The following ARL15 variants were observed in gnomAD, a reference collection of about 807,000 sequenced individuals.
The protein encoded by ARL15 is ARF like GTPase 15, also known as ADP-ribosylation factor-like protein 15.
ARL15 carries 19 observed loss-of-function variants against 25.2 expected under a neutral mutation model. The ratio of observed to expected loss-of-function variants is 0.75; its 90% CI spans 0.53 to 1.10. The LOEUF is 1.10. ARL15 is among the 50% of genes least tolerant of loss of function. The probability of loss-of-function intolerance (pLI) is 0.00; values close to 1 mark genes in which losing one functional copy is unlikely to be tolerated. For synonymous variants in ARL15, 94 were observed against 86.8 expected, an observed-to-expected ratio of 1.08 and a Z score of -0.46; for missense variants, 220 against 246.0, an observed-to-expected ratio of 0.89 and a Z score of 0.71.
chr5:54,192,362 C>T (rs370802674), intron 1 of ARL15, among the ~76,000 whole-genome samples: 1 of 151,868 alleles, frequency 6.6e-6, no homozygotes, highest in African/African-American at 2.4e-5. Flanking sequence ...TTCTTACTTA[C>T]TCAGTAATTT....
In ARL15 at chr5:54,266,771, G is replaced by T. The variant is rs189628386; in HGVS notation, c.48+43661C>A. 1.8e-3 allele frequency among the ~76,000 whole-genome samples: 272 copies of T among 152,286 alleles called. 1 individual carries two copies. Among genetic ancestry groups the T allele is most frequent in the African/African-American group, 6.3e-3 (260 of 41,552 alleles). On this transcript the variant is annotated intron_variant, in intron 1 of 4. Coordinates refer to ENST00000504924, the MANE Select transcript of ARL15 (RefSeq NM_019087.3). ...ATCAGGAAAATGGTTTTATCTTGGA[G>T]AGTTAGAAGATGAAATGAACTTACA...
chr5:54,251,214 T>C (rs1053909517), intron 1 of ARL15, among the ~76,000 whole-genome samples: 1 of 152,234 alleles, frequency 6.6e-6, no homozygotes, highest in African/African-American at 2.4e-5. Flanking sequence ...ACACTTTTTA[T>C]GATAAAACAC....
At chr5:54,197,491 T>C (rs1579900324) in intron 1 of ARL15, among the ~76,000 whole-genome samples, 4 of 152,218 alleles carry the variant, frequency 2.6e-5, no homozygotes, top group South Asian at 2.1e-4. Context: ...GCACAGTACA[T>C]AAAAAAGATC....
intron 1 of ARL15, among the ~76,000 whole-genome samples, chr5:54,302,139 G>A (rs113239694): frequency 6.6e-6 from 1 of 152,010 alleles, no homozygotes; most frequent in South Asian, 2.1e-4. Context: ...GTTCCCAGAG[G>A]GCCTCTCACA....
At chr5:53,926,005 T>C (rs919481558) in intron 4 of ARL15, among the ~76,000 whole-genome samples, 27 of 147,728 alleles carry the variant, frequency 1.8e-4, no homozygotes, top group African/African-American at 4.8e-4. Flanking sequence ...TTCTTTTTTT[T>C]TTTTTTTTTT....
intron 1 of ARL15, among the ~76,000 whole-genome samples, chr5:54,300,296 G>A (rs185144): frequency 0.67 from 101,706 of 152,176 alleles, 34,716 homozygotes; most frequent in Non-Finnish European, 0.73. Flanking sequence ...GTAAGCCTTC[G>A]GCCTCAATAT....
intron 4 of ARL15, among the ~76,000 whole-genome samples, chr5:54,070,366 T>G (rs10069635): frequency 6.6e-6 from 1 of 150,994 alleles, no homozygotes; most frequent in Non-Finnish European, 1.5e-5. Flanking sequence ...CACCCCAGCC[T>G]GGGCGACAGA....
At chr5:54,030,369 G>T (rs926790731) in intron 4 of ARL15, among the ~76,000 whole-genome samples, 5 of 152,172 alleles carry the variant, frequency 3.3e-5, no homozygotes, top group African/African-American at 1.2e-4. Context: ...ACTACATATT[G>T]TAACTATCAT....
chr5:53,967,437 T>C (rs915532094), intron 4 of ARL15, among the ~76,000 whole-genome samples: 11 of 152,200 alleles, frequency 7.2e-5, no homozygotes, highest in Non-Finnish European at 1.3e-4. Context: ...GAAAAGTGGT[T>C]AGTTTGAGGA....
intron 4 of ARL15, among the ~76,000 whole-genome samples, chr5:54,046,921 C>T (rs1750538163): frequency 6.6e-6 from 1 of 152,222 alleles, no homozygotes; most frequent in South Asian, 2.1e-4. Flanking sequence ...GACAGCTGTG[C>T]TCAGGAGTCT....
intron 1 of ARL15, among the ~76,000 whole-genome samples, chr5:54,271,520 A>G (rs1414839170): frequency 2.0e-5 from 3 of 152,206 alleles, no homozygotes; most frequent in Non-Finnish European, 4.4e-5. Flanking sequence ...AAAAATATCT[A>G]TACATGTTGG....
At chr5:54,022,237 T>C (rs1749627668) in intron 4 of ARL15, among the ~76,000 whole-genome samples, 1 of 152,038 alleles carries the variant, frequency 6.6e-6, no homozygotes, top group African/African-American at 2.4e-5. Context: ...CGCGTAAGTA[T>C]TATTGGGGCT....
intron 1 of ARL15, among the ~76,000 whole-genome samples, chr5:54,280,783 G>A (rs1454713394): frequency 6.6e-6 from 1 of 152,110 alleles, no homozygotes; most frequent in Non-Finnish European, 1.5e-5. Context: ...GTCTTTAAAA[G>A]TAAGTATCAC....
chr5:54,174,425 T>C (rs1322662456), intron 1 of ARL15, among the ~76,000 whole-genome samples: 1 of 152,202 alleles, frequency 6.6e-6, no homozygotes, highest in Non-Finnish European at 1.5e-5. Flanking sequence ...CTTCTTTTTG[T>C]CCTAAATTCA....
chr5:54,010,104 G>C (rs925561677), intron 4 of ARL15, among the ~76,000 whole-genome samples: 1 of 152,102 alleles, frequency 6.6e-6, no homozygotes, highest in African/African-American at 2.4e-5. Flanking sequence ...TGAGTAAAAG[G>C]AAAGCCCTCC....
At chr5:54,060,264 G>A (rs1414424217) in intron 4 of ARL15, among the ~76,000 whole-genome samples, 1 of 151,790 alleles carries the variant, frequency 6.6e-6, no homozygotes, top group African/African-American at 2.4e-5. Flanking sequence ...GAAACCCTGT[G>A]TCTACTATAC....
intron 1 of ARL15, among the ~76,000 whole-genome samples, chr5:54,276,562 C>A (rs768662407): frequency 1.3e-5 from 2 of 152,164 alleles, no homozygotes; most frequent in African/African-American, 2.4e-5. Context: ...TTATGGTAGG[C>A]AGAATAATGT....
chr5:54,279,203 AGTTT>A (rs1014090932), intron 1 of ARL15, among the ~76,000 whole-genome samples: 37 of 127,694 alleles, frequency 2.9e-4, no homozygotes, highest in Admixed American at 8.0e-4. Flanking sequence ...AGCTAATAAG[AGTTT>A]GTTTTTGTTT....
At chr5:53,956,958 G>A (rs997494664) in intron 4 of ARL15, among the ~76,000 whole-genome samples, 1 of 151,916 alleles carries the variant, frequency 6.6e-6, no homozygotes, top group African/African-American at 2.4e-5. Flanking sequence ...TAAAAGACCA[G>A]CTGGACACCA....
Sources: gnomAD v4.1 joint callset for allele counts (sites outside exome capture counted in the v4.1 genomes callset) on GRCh38, gnomAD v4.1.1 for gene constraint, MANE v1.5 for transcripts, NCBI Gene and HGNC (gene_info 2026-07-23, HGNC 2026-07-21) for gene names.